Variants in CIT observed in about 807,000 individuals in gnomAD.
The protein encoded by CIT is citron rho-interacting serine/threonine kinase, also known as citron Rho-interacting kinase.
In CIT, 79 loss-of-function variants were observed where a neutral mutation model predicts 272.7. The observed-to-expected ratio is 0.29, with a 90% CI of 0.24 to 0.35. CIT has a LOEUF of 0.35. Among genes scored for constraint, CIT ranks in the 10% least tolerant of loss-of-function variants. The probability of loss-of-function intolerance (pLI) is 1.00; values close to 1 mark genes in which losing one functional copy is unlikely to be tolerated. For missense variants in CIT, 1,909 were observed against 2,618.3 expected (o/e 0.73, Z 5.91); for synonymous variants, 948 against 995.6 (o/e 0.95, Z 0.90).
intron 3 of CIT, among the ~76,000 whole-genome samples, chr12:119,867,757 A>C (rs1273521365): frequency 6.6e-6 from 1 of 152,066 alleles, no homozygotes; most frequent in Non-Finnish European, 1.5e-5. Flanking sequence ...ACTGGTTGAA[A>C]AACACTAATG....
At chr12:119,870,549 CAAAAAA>C (rs57894300) in intron 2 of CIT, among the ~76,000 whole-genome samples, 2 of 52,412 alleles carry the variant, frequency 3.8e-5, no homozygotes, top group African/African-American at 6.7e-5. Context: ...GACTCCCTCT[CAAAAAA>C]AAAAAAAAAA....
chr12:119,867,722 G>C (rs1233378926), intron 3 of CIT, among the ~76,000 whole-genome samples: 2 of 151,760 alleles, frequency 1.3e-5, no homozygotes, highest in African/African-American at 4.8e-5. Context: ...AACTAGCTCT[G>C]ACAACCGAAA....
At chr12:119,859,864 T>C (rs922667671) in intron 3 of CIT, among the ~76,000 whole-genome samples, 4 of 150,586 alleles carry the variant, frequency 2.7e-5, no homozygotes, top group Admixed American at 2.6e-4. Flanking sequence ...TGGAATGCAG[T>C]GGTGAAATCA....
At position 119,803,382 on chromosome 12, in the gene CIT, G is replaced by T; in HGVS notation, c.1119C>A (p.Pro373=). The T allele has an allele frequency of 6.4e-7, 1 of 1,556,418 alleles. No individual in the cohort carries two copies. The highest frequency in any genetic ancestry group is 2.4e-5 in the East Asian group (1 of 42,310). Residue 373 remains proline, a synonymous_variant, in exon 10 of 48, where the codon CCC becomes CCA. Coordinates refer to ENST00000392521, the MANE Select transcript of CIT (RefSeq NM_001206999.2). ...IDWNNIRNSP[P]PFVPTLKSDD... is the part of the protein sequence containing the mutation. ...CAGACTTGAGGGTGGGAACGAAGGG[G>T]GGAGGAGCTGGTTAAAGAAAAACAA...
At chr12:119,787,730 C>CAAAAAA (rs61554565) in intron 10 of CIT, among the ~76,000 whole-genome samples, 1,147 of 48,318 alleles carry the variant, frequency 0.024, 80 homozygotes, top group African/African-American at 0.072. Context: ...GACTCCGTCT[C>CAAAAAA]AAAAAAAAAA....
chr12:119,862,239 C>T (rs1001060896), intron 3 of CIT, among the ~76,000 whole-genome samples: 1 of 152,152 alleles, frequency 6.6e-6, no homozygotes, highest in African/African-American at 2.4e-5. Flanking sequence ...AAGTAATACA[C>T]CCACCTCGGG....
chr12:119,776,873 C>T, intron 13 of CIT, 31 bp from the exon 14 acceptor site: 1 of 1,609,232 alleles, frequency 6.2e-7, no homozygotes, highest in Non-Finnish European at 8.5e-7. Context: ...TAAAAGAGAA[C>T]TTTCGAACTC....
At chr12:119,826,581 C>T (rs1055770907) in intron 7 of CIT, among the ~76,000 whole-genome samples, 1 of 152,136 alleles carries the variant, frequency 6.6e-6, no homozygotes, top group African/African-American at 2.4e-5. Context: ...TTTTACTGAG[C>T]CATGAAATTT....
chr12:119,735,935 T>C (rs539865535), intron 24 of CIT, among the ~76,000 whole-genome samples: 3 of 152,160 alleles, frequency 2.0e-5, no homozygotes, highest in Non-Finnish European at 4.4e-5. Flanking sequence ...GAAAATACAA[T>C]ACACTGTACT....
In CIT at chr12:119,760,626, C is replaced by CAA. The variant is rs55758251; in HGVS notation, c.2421+311_2421+312dup. ...TGGGCTTCAGAGCAAAACCCCACCT[C>CAA]AAAAAAAAAAAAAAGAGCAGGAAGA... On this transcript the variant is annotated intron_variant, in intron 20 of 47. Coordinates refer to ENST00000392521, the MANE Select transcript of CIT (RefSeq NM_001206999.2). 5.9e-5 allele frequency among the ~76,000 whole-genome samples: 7 copies of CAA among 119,256 alleles called. No homozygotes were observed. In the East Asian group the frequency reaches 1.6e-3, roughly 28 times the overall value. The allele number at this position is 119,256 out of a possible 152,430, so 78.2% of individuals were successfully genotyped here.
chr12:119,736,913 T>C (rs1364635500), intron 24 of CIT, among the ~76,000 whole-genome samples: 1 of 152,208 alleles, frequency 6.6e-6, no homozygotes, highest in Non-Finnish European at 1.5e-5. Flanking sequence ...ACAGGCAAGC[T>C]GGCTTGGAAG....
intron 7 of CIT, among the ~76,000 whole-genome samples, chr12:119,829,344 A>AAGAAGAGGAG (rs1712436633): frequency 7.5e-6 from 1 of 133,344 alleles, no homozygotes; most frequent in Non-Finnish European, 1.6e-5. Flanking sequence ...CTTGAAAGAA[A>AAGAAGAGGAG]AGAAGAGAAG....
chr12:119,854,322 C>T lies in CIT; in HGVS notation c.414+3201G>A, dbSNP rs932944049. On this transcript the variant is annotated intron_variant, in intron 4 of 47. Transcript: ENST00000392521. Reference sequence around the variant, plus strand: ...GATTACAGGCGTGAGCCACTGCACCCGGCCCACAAAATTTTTTTTTAAAGT... The same window carrying T: ...GATTACAGGCGTGAGCCACTGCACCTGGCCCACAAAATTTTTTTTTAAAGT... 3.3e-5 allele frequency among the ~76,000 whole-genome samples: 5 copies of T among 151,396 alleles called. 1 individual carries two copies. Among genetic ancestry groups the T allele is most frequent in the Non-Finnish European group, 5.9e-5 (4 of 67,842 alleles).
intron 13 of CIT, among the ~76,000 whole-genome samples, chr12:119,780,293 G>C (rs767905242): frequency 6.6e-6 from 1 of 152,098 alleles, no homozygotes; most frequent in Middle Eastern, 3.2e-3. Flanking sequence ...TCTAGAGGGG[G>C]TAGCTAGGTG....
intron 3 of CIT, among the ~76,000 whole-genome samples, chr12:119,864,309 T>A (rs1055066603): frequency 6.6e-6 from 1 of 152,052 alleles, no homozygotes; most frequent in African/African-American, 2.4e-5. Flanking sequence ...TTTGTTGTGG[T>A]GGTGGTTTTG....
chr12:119,756,992 C>T (rs143856513), intron 22 of CIT, among the ~76,000 whole-genome samples: 1 of 152,040 alleles, frequency 6.6e-6, no homozygotes, highest in Non-Finnish European at 1.5e-5. Context: ...TGGTGCCAGG[C>T]GCCTGTAGTC....
chr12:119,733,536 AAAAAAAAC>A (rs1958589522), intron 26 of CIT, among the ~76,000 whole-genome samples: 1 of 152,028 alleles, frequency 6.6e-6, no homozygotes, highest in African/African-American at 2.4e-5. Context: ...TCACAAAAAA[AAAAAAAAC>A]AAAAAAAACC....
chr12:119,758,461 T>C, intron 21 of CIT, 130 bp downstream of exon 21: 2 of 676,722 alleles, frequency 3.0e-6, no homozygotes, highest in East Asian at 2.6e-5. Context: ...CGTAAGTATC[T>C]GAGGGCTGGG....
chr12:119,767,397 T>A (rs1962573660), intron 18 of CIT, among the ~76,000 whole-genome samples: 1 of 152,204 alleles, frequency 6.6e-6, no homozygotes, highest in South Asian at 2.1e-4. Context: ...CACACATAGC[T>A]GGTGGGCTGT....
Sources: allele counts gnomAD v4.1 joint callset (sites outside exome capture counted in the v4.1 genomes callset), GRCh38; gene constraint gnomAD v4.1.1; transcripts MANE v1.5; gene names NCBI Gene and HGNC (gene_info 2026-07-23, HGNC 2026-07-21).